SNRPN: variants seen among roughly 807,000 people sequenced by gnomAD.
SNRPN encodes small nuclear ribonucleoprotein polypeptide N.
A neutral mutation model predicts 25.2 loss-of-function variants in SNRPN; 7 were observed. That is an observed-to-expected ratio of 0.28 (90% CI 0.16 to 0.52). The LOEUF is 0.52. Among genes scored for constraint, SNRPN ranks in the 20% least tolerant of loss-of-function variants. The pLI, the probability that SNRPN is intolerant of heterozygous loss-of-function variation, is 0.96. For synonymous variants in SNRPN, 124 were observed against 110.6 expected (o/e 1.12, Z -0.76); for missense variants, 196 against 322.5 (o/e 0.61, Z 3.00).
At chr15:24,915,541 C>T (rs1048159722) in intron 2 of SNRPN, among the ~76,000 whole-genome samples, 14 of 152,170 alleles carry the variant, frequency 9.2e-5, no homozygotes, top group Non-Finnish European at 2.9e-5. Flanking sequence ...GAAACTTTGT[C>T]ATCCCTCCTG....
At chr15:24,914,910 A>G (rs943740176) in intron 2 of SNRPN, among the ~76,000 whole-genome samples, 8 of 152,162 alleles carry the variant, frequency 5.3e-5, no homozygotes, top group Middle Eastern at 6.8e-3. Flanking sequence ...CGTTATAACC[A>G]AGAAGCAGGG....
intron 3 of SNRPN, among the ~76,000 whole-genome samples, chr15:24,946,661 G>A (rs1350901813): frequency 6.6e-6 from 1 of 152,086 alleles, no homozygotes; most frequent in South Asian, 2.1e-4. Flanking sequence ...GTAGAGATGG[G>A]GTCTCCCTAT....
At chr15:24,939,268 G>C (rs186310707) in intron 3 of SNRPN, among the ~76,000 whole-genome samples, 1 of 152,164 alleles carries the variant, frequency 6.6e-6, no homozygotes, top group African/African-American at 2.4e-5. Context: ...TTTTATAGTA[G>C]CCATCCAAAT....
rs909517591 is a variant in SNRPN at position 24,909,839 on chromosome 15, G to A, written c.-504-10172G>A. On this transcript the variant is annotated intron_variant, in intron 2 of 11. Transcript: ENST00000400097. ...AACAAACCCCATCCTGCAGAACAGAGACCCGCGTCCACAGCTCAACAGAGA... is the reference window on the plus strand; with the variant it reads ...AACAAACCCCATCCTGCAGAACAGAAACCCGCGTCCACAGCTCAACAGAGA... 3.0e-6 allele frequency: 3 copies of A among 1,010,776 alleles called. No individual in the cohort carries two copies. In the African/African-American group the frequency reaches 4.7e-5, roughly 16 times the overall value. The allele number at this position is 1,010,776 out of a possible 1,614,324, so 62.6% of individuals were successfully genotyped here. A position where few individuals can be genotyped will look rare whatever the true frequency, so the allele number is the denominator to read the frequency against.
upstream of SNRPN, among the ~76,000 whole-genome samples, chr15:24,853,010 C>T (rs542584156): frequency 6.6e-6 from 1 of 152,108 alleles, no homozygotes; most frequent in South Asian, 2.1e-4. Context: ...TAGGGAATTC[C>T]AAATATATTG....
chr15:24,870,303 T>C (rs1192505779), intron 1 of SNRPN, among the ~76,000 whole-genome samples: 1 of 152,142 alleles, frequency 6.6e-6, no homozygotes, highest in African/African-American at 2.4e-5. Context: ...ATCTGTCGAT[T>C]TGAGGAGTAG....
chr15:24,941,132 A>G (rs1283353231), intron 3 of SNRPN, among the ~76,000 whole-genome samples: 1 of 152,148 alleles, frequency 6.6e-6, no homozygotes, highest in Non-Finnish European at 1.5e-5. Flanking sequence ...GCACACTACC[A>G]TGCCTGGCTA....
chr15:24,867,296 A>T (rs771332755), intron 1 of SNRPN, among the ~76,000 whole-genome samples: 10 of 152,072 alleles, frequency 6.6e-5, no homozygotes, highest in African/African-American at 2.4e-4. Flanking sequence ...ACTCTTTTTA[A>T]TAATAGCCTT....
At chr15:24,974,181 G>T (rs2076796808) in intron 3 of SNRPN, 130 bp from the exon 4 acceptor site, 2 of 476,866 alleles carry the variant, frequency 4.2e-6, no homozygotes, top group Non-Finnish European at 3.8e-6. Context: ...GCAGTCCCTT[G>T]GTGAGGAAGC....
chr15:24,909,879 G>A (rs1342506218), intron 2 of SNRPN: 9 of 722,692 alleles, frequency 1.2e-5, no homozygotes, highest in Middle Eastern at 4.1e-4. Context: ...CAGGCACAGC[G>A]GCGCTGGGGC....
chr15:24,974,297 G>C lies in SNRPN; in HGVS notation c.-143-14G>C. ...GTAGATTGCAGTGCAGCTTTAACAT[G>C]CTTTCCTCTGCAGGCTCCATCTACT... On this transcript the variant is annotated splice_polypyrimidine_tract_variant and intron_variant, in intron 3 of 9. Coordinates refer to ENST00000390687, the MANE Select transcript of SNRPN (RefSeq NM_003097.6). 2 of 688,330 alleles carry C rather than the reference G, an allele frequency of 2.9e-6. No individual in the cohort carries two copies. The highest frequency in any genetic ancestry group is 5.3e-6 in the Non-Finnish European group (2 of 380,226). 42.6% of individuals were successfully genotyped at this position (688,330 alleles called of 1,614,324 possible). A position where few individuals can be genotyped will look rare whatever the true frequency, so the allele number is the denominator to read the frequency against.
chr15:24,932,139 A>AG (rs1330905099), intron 3 of SNRPN, among the ~76,000 whole-genome samples: 1 of 152,106 alleles, frequency 6.6e-6, no homozygotes, highest in African/African-American at 2.4e-5. Flanking sequence ...AGGCTATTTA[A>AG]GGGGGATACA....
chr15:24,859,706 G>T (rs967191296), intron 1 of SNRPN, among the ~76,000 whole-genome samples: 3 of 152,200 alleles, frequency 2.0e-5, no homozygotes, highest in Admixed American at 6.5e-5. Flanking sequence ...AGCAGAAAAA[G>T]AATGGTTACT....
chr15:24,925,745 A>ATT (rs35612975), intron 3 of SNRPN, among the ~76,000 whole-genome samples: 1 of 145,366 alleles, frequency 6.9e-6, no homozygotes, highest in Non-Finnish European at 1.5e-5. Flanking sequence ...TGCCCAGCTA[A>ATT]TTTTTTTTTT....
chr15:24,856,204 A>G (rs529198879), upstream of SNRPN, among the ~76,000 whole-genome samples: 12 of 152,268 alleles, frequency 7.9e-5, no homozygotes, highest in Admixed American at 6.5e-4. Context: ...TATGCCTTGA[A>G]CCTACACCAA....
chr15:24,857,017 C>G (rs1379795923), intron 1 of SNRPN, among the ~76,000 whole-genome samples: 1 of 152,088 alleles, frequency 6.6e-6, no homozygotes, highest in African/African-American at 2.4e-5. Context: ...GAGAAATTTC[C>G]TATGAAACAT....
chr15:24,882,266 A>G (rs961751379), intron 1 of SNRPN, among the ~76,000 whole-genome samples: 2 of 152,168 alleles, frequency 1.3e-5, no homozygotes, highest in African/African-American at 2.4e-5. Context: ...CTCTAGATTC[A>G]GATTTTAATT....
intron 2 of SNRPN, among the ~76,000 whole-genome samples, chr15:24,911,495 A>G (rs2059212740): frequency 6.6e-6 from 1 of 152,200 alleles, no homozygotes; most frequent in South Asian, 2.1e-4. Flanking sequence ...CTCACTGACT[A>G]TGCTGCCTCA....
At chr15:24,926,922 G>A (rs2152749156) in intron 3 of SNRPN, among the ~76,000 whole-genome samples, 1 of 152,068 alleles carries the variant, frequency 6.6e-6, no homozygotes, top group Non-Finnish European at 1.5e-5. Flanking sequence ...GAGGCAGGAG[G>A]ATCGCTTGGG....
Sources: allele counts gnomAD v4.1 joint callset (sites outside exome capture counted in the v4.1 genomes callset), GRCh38; gene constraint gnomAD v4.1.1; transcripts MANE v1.5; gene names NCBI Gene and HGNC (gene_info 2026-07-23, HGNC 2026-07-21).